TEC: variants seen among roughly 807,000 people sequenced by gnomAD.
TEC encodes tyrosine-protein kinase Tec.
Under a neutral mutation model 93.0 loss-of-function variants are expected in TEC, and 72 were observed. The ratio of observed to expected loss-of-function variants is 0.77; its 90% CI spans 0.64 to 0.94. The LOEUF is 0.94. TEC is among the 40% of genes least tolerant of loss of function. The pLI is 0.00. For missense variants in TEC, 630 were observed against 757.9 expected (o/e 0.83, Z 1.98); for synonymous variants, 249 against 247.7 (o/e 1.01, Z -0.05).
At chr4:48,235,068 T>G (rs577353724) in intron 1 of TEC, among the ~76,000 whole-genome samples, 13 of 150,560 alleles carry the variant, frequency 8.6e-5, no homozygotes, top group African/African-American at 2.9e-4. Context: ...GGAAACAGAA[T>G]AATAGGAAAA....
chr4:48,225,722 T>G (rs1274227239), intron 2 of TEC, among the ~76,000 whole-genome samples: 1 of 150,622 alleles, frequency 6.6e-6, no homozygotes, highest in African/African-American at 2.4e-5. Context: ...TTTTTTTTCT[T>G]TTTTTTTTAC....
chr4:48,181,021 G>A (rs1247382876), intron 2 of TEC, among the ~76,000 whole-genome samples: 1 of 152,142 alleles, frequency 6.6e-6, no homozygotes, highest in Non-Finnish European at 1.5e-5. Flanking sequence ...TAGATATGGG[G>A]ATTAAGAGTA....
At chr4:48,202,396 T>C (rs1018070203) in intron 2 of TEC, among the ~76,000 whole-genome samples, 1 of 151,936 alleles carries the variant, frequency 6.6e-6, no homozygotes, top group African/African-American at 2.4e-5. Flanking sequence ...CAAAACCCTG[T>C]CTCTACTAAA....
chr4:48,184,687 T>C (rs1721727325), intron 2 of TEC, among the ~76,000 whole-genome samples: 1 of 150,146 alleles, frequency 6.7e-6, no homozygotes, highest in Admixed American at 6.7e-5. Flanking sequence ...GCCACAACAA[T>C]TAAAACAGAT....
chr4:48,158,820 C>T (rs776719634), intron 8 of TEC, among the ~76,000 whole-genome samples: 12 of 152,122 alleles, frequency 7.9e-5, no homozygotes, highest in Non-Finnish European at 1.5e-4. Context: ...GAATCCACTG[C>T]ACAAAAGGAA....
At chr4:48,228,779 C>T in intron 1 of TEC, 120 bp from the exon 2 acceptor site, 1 of 756,214 alleles carries the variant, frequency 1.3e-6, no homozygotes, top group East Asian at 3.1e-5. Context: ...GTATTGATCT[C>T]TGTGCCCAAA....
intron 2 of TEC, among the ~76,000 whole-genome samples, chr4:48,181,032 G>T (rs1721562131): frequency 1.3e-5 from 2 of 152,140 alleles, no homozygotes; most frequent in Non-Finnish European, 2.9e-5. Flanking sequence ...ATTAAGAGTA[G>T]AGAAGGACTG....
intron 1 of TEC, among the ~76,000 whole-genome samples, chr4:48,268,943 G>A (rs1316132164): frequency 6.6e-6 from 1 of 151,986 alleles, no homozygotes; most frequent in Non-Finnish European, 1.5e-5. Flanking sequence ...ACACGTCCAC[G>A]GGAAAAATAA....
intron 1 of TEC, among the ~76,000 whole-genome samples, chr4:48,268,766 C>T (rs1251061852): frequency 1.3e-5 from 2 of 152,186 alleles, no homozygotes; most frequent in African/African-American, 4.8e-5. Context: ...ACAAGGAATA[C>T]GCGCAAAACT....
chr4:48,185,876 G>A (rs137873632), intron 2 of TEC, among the ~76,000 whole-genome samples: 4 of 121,078 alleles, frequency 3.3e-5, no homozygotes, highest in African/African-American at 1.3e-4. Flanking sequence ...CCCTCTCACC[G>A]GTCTCCCTCT....
intron 2 of TEC, among the ~76,000 whole-genome samples, chr4:48,223,525 T>C (rs1219474995): frequency 6.6e-6 from 1 of 152,216 alleles, no homozygotes; most frequent in Non-Finnish European, 1.5e-5. Flanking sequence ...TGAAATTAAG[T>C]CTAACAAGAC....
chr4:48,162,981 T>C (rs983594111), intron 8 of TEC, among the ~76,000 whole-genome samples: 10 of 152,176 alleles, frequency 6.6e-5, no homozygotes, highest in Admixed American at 5.9e-4. Flanking sequence ...ACATAGATTT[T>C]AGAGATCCAG....
intron 2 of TEC, among the ~76,000 whole-genome samples, chr4:48,207,075 T>C (rs1722741786): frequency 6.6e-6 from 1 of 152,100 alleles, no homozygotes; most frequent in African/African-American, 2.4e-5. Flanking sequence ...AAGGTAGAAT[T>C]TGAACTATGC....
chr4:48,201,566 G>GAGAT (rs1288997616), intron 2 of TEC, among the ~76,000 whole-genome samples: 2 of 152,184 alleles, frequency 1.3e-5, no homozygotes, highest in African/African-American at 4.8e-5. Flanking sequence ...TTCACAAGAA[G>GAGAT]AGATACACAC....
intron 2 of TEC, among the ~76,000 whole-genome samples, chr4:48,201,790 G>A (rs1722518400): frequency 6.6e-6 from 1 of 152,022 alleles, no homozygotes; most frequent in African/African-American, 2.4e-5. Context: ...AGACAAGCTG[G>A]GGAAAGACTG....
intron 7 of TEC, among the ~76,000 whole-genome samples, chr4:48,165,862 C>T (rs77934162): frequency 0.023 from 3,478 of 152,202 alleles, 145 homozygotes; most frequent in African/African-American, 0.081. Context: ...TAGAGCTAAT[C>T]GGGGAAACTG....
In TEC at chr4:48,137,185, GAAT is replaced by G. The variant is rs1306926453; in HGVS notation, c.*228_*230del. The G allele has an allele frequency of 3.8e-6, 2 of 529,630 alleles. No homozygotes were observed. The highest frequency in any genetic ancestry group is 3.5e-5 in the Admixed American group (1 of 28,452). 32.8% of individuals were successfully genotyped at this position (529,630 alleles called of 1,614,324 possible). On this transcript the variant is annotated 3_prime_UTR_variant, in exon 18 of 18. Transcript: ENST00000381501. Reference sequence around the variant, plus strand: ...ACTGTCACTCAAGTGCCTGAGGAATGAATAGAAATGAGTGATTTTAATCACCAT... The same window carrying G: ...ACTGTCACTCAAGTGCCTGAGGAATGAGAAATGAGTGATTTTAATCACCAT...
At chr4:48,163,859 C>T in intron 7 of TEC, 92 bp from the exon 8 acceptor site, 2 of 636,318 alleles carry the variant, frequency 3.1e-6, no homozygotes, top group South Asian at 2.1e-5. Flanking sequence ...TAAAGCATGA[C>T]ATTGCTTAAA....
Position 48,149,631 on chromosome 4 carries a change from T to A in TEC, c.932A>T (p.Lys311Met). The change falls in exon 11 of 18, where the codon AAG (lysine) becomes ATG (methionine). Residue 311 changes from lysine to methionine, a missense_variant. Coordinates refer to ENST00000381501, the MANE Select transcript of TEC (RefSeq NM_003215.3). ...HIKETTTSPK[K>M]YYLAEKHAFG... ...AGCATGTTTTTCAGCTAGGTAATAC[T>A]TCTTTGGAGATGTTGTTGTTTCCTT... 1.2e-6 allele frequency: 2 copies of A among 1,612,672 alleles called. No homozygotes were observed. The highest frequency in any genetic ancestry group is 1.7e-6 in the Non-Finnish European group (2 of 1,179,496).
Sources: allele counts gnomAD v4.1 joint callset (sites outside exome capture counted in the v4.1 genomes callset), GRCh38; gene constraint gnomAD v4.1.1; transcripts MANE v1.5; gene names NCBI Gene and HGNC (gene_info 2026-07-23, HGNC 2026-07-21).